The following TBC1D12 variants were observed in gnomAD, a reference collection of about 807,000 sequenced individuals.
The protein encoded by TBC1D12 is TBC1 domain family, member 12.
In TBC1D12, 56 loss-of-function variants were observed where a neutral mutation model predicts 86.7. The observed-to-expected ratio is 0.65, with a 90% confidence interval of 0.52 to 0.81. The LOEUF is 0.81. Among genes scored for constraint, TBC1D12 ranks in the 30% least tolerant of loss-of-function variants. The probability of loss-of-function intolerance (pLI) is 0.00; values close to 1 mark genes in which losing one functional copy is unlikely to be tolerated. For synonymous variants in TBC1D12, 421 were observed against 411.7 expected, an observed-to-expected ratio of 1.02 and a Z score of -0.27; for missense variants, 1,023 against 1,038.8, an observed-to-expected ratio of 0.98 and a Z score of 0.21.
chr10:94,408,865 C>A (rs1178610125), intron 1 of TBC1D12, among the ~76,000 whole-genome samples: 1 of 152,108 alleles, frequency 6.6e-6, no homozygotes, highest in East Asian at 1.9e-4. Context: ...TTTTAATACT[C>A]TGATATAATT....
At chr10:94,480,509 T>A (rs945654145) in intron 3 of TBC1D12, among the ~76,000 whole-genome samples, 1 of 152,096 alleles carries the variant, frequency 6.6e-6, no homozygotes, top group African/African-American at 2.4e-5. Flanking sequence ...ACTATTCTGA[T>A]TGCGGCTTTG....
intron 1 of TBC1D12, among the ~76,000 whole-genome samples, chr10:94,405,044 C>G (rs960472751): frequency 8.9e-4 from 123 of 137,668 alleles, no homozygotes; most frequent in African/African-American, 3.0e-3. Context: ...CTAGACTTCT[C>G]TCAAAAAAAA....
intron 1 of TBC1D12, among the ~76,000 whole-genome samples, chr10:94,434,480 T>C (rs961334927): frequency 1.8e-4 from 26 of 148,316 alleles, no homozygotes; most frequent in African/African-American, 6.3e-4. Flanking sequence ...CACTCCAGCC[T>C]GGACGACACA....
Position 94,493,462 on chromosome 10 carries a change from T to G in TBC1D12, c.1294+15T>G. 1.3e-6 allele frequency: 2 copies of G among 1,570,914 alleles called. No individual in the cohort carries two copies. Among genetic ancestry groups the G allele is most frequent in the Non-Finnish European group, 1.7e-6 (2 of 1,147,370 alleles). ...TAAAAAACGAGGTATAAAATTTAAC[T>G]CCAAATGGTATAATTTTCTGATTTT... On this transcript the variant is annotated intron_variant, in intron 4 of 12. Transcript: ENST00000225235.
chr10:94,416,314 T>C (rs2054996951), intron 1 of TBC1D12, among the ~76,000 whole-genome samples: 1 of 152,256 alleles, frequency 6.6e-6, no homozygotes, highest in South Asian at 2.1e-4. Context: ...TGATAGATGT[T>C]ATTTAGTCTT....
At chr10:94,477,326 AC>A (rs1297257822) in intron 3 of TBC1D12, among the ~76,000 whole-genome samples, 1 of 152,218 alleles carries the variant, frequency 6.6e-6, no homozygotes, top group Non-Finnish European at 1.5e-5. Context: ...CATTTATGTA[AC>A]TAAAACAAAC....
At chr10:94,519,099 A>C (rs1842075878) in intron 9 of TBC1D12, among the ~76,000 whole-genome samples, 1 of 152,212 alleles carries the variant, frequency 6.6e-6, no homozygotes, top group Non-Finnish European at 1.5e-5. Flanking sequence ...TAAGTAAATA[A>C]ATATTCCAAG....
At chr10:94,521,346 C>G (rs1417258757) in intron 9 of TBC1D12, among the ~76,000 whole-genome samples, 2 of 151,402 alleles carry the variant, frequency 1.3e-5, no homozygotes, top group South Asian at 4.2e-4. Flanking sequence ...ACAACATAAA[C>G]ACATCCTACC....
At chr10:94,507,458 C>A in intron 7 of TBC1D12, 111 bp downstream of exon 7, 1 of 980,832 alleles carries the variant, frequency 1.0e-6, no homozygotes, top group Admixed American at 3.3e-5. Flanking sequence ...AATCTTAACC[C>A]TTTCAGTAAA....
In TBC1D12 at chr10:94,486,996, G is replaced by T. The variant is rs140128275; in HGVS notation, c.1212-6369G>T. On this transcript the variant is annotated intron_variant, in intron 3 of 12. Transcript: ENST00000225235. Reference sequence around the variant, plus strand: ...ATATACATGGGTGCTCCAGTGTTGGGTGCATATAGATTTACAATTGTTATA... The same window carrying T: ...ATATACATGGGTGCTCCAGTGTTGGTTGCATATAGATTTACAATTGTTATA... Among the ~76,000 whole-genome samples the T allele has an allele frequency of 7.8e-3, 1,179 of 152,102 alleles. 16 individuals carry two copies. The highest frequency in any genetic ancestry group is 0.027 in the African/African-American group (1,128 of 41,460).
intron 1 of TBC1D12, among the ~76,000 whole-genome samples, chr10:94,423,430 C>T (rs1479673688): frequency 1.3e-5 from 2 of 150,836 alleles, no homozygotes; most frequent in Non-Finnish European, 2.9e-5. Flanking sequence ...TCACTGCAAC[C>T]TCCGCCTCCC....
At chr10:94,527,387 C>T (rs1003731212) in intron 11 of TBC1D12, among the ~76,000 whole-genome samples, 3 of 150,590 alleles carry the variant, frequency 2.0e-5, no homozygotes, top group African/African-American at 7.3e-5. Context: ...TGGTGCCTGG[C>T]GTTTGTTTTT....
intron 1 of TBC1D12, among the ~76,000 whole-genome samples, chr10:94,435,273 T>C (rs2055278327): frequency 6.6e-6 from 1 of 152,216 alleles, no homozygotes; most frequent in South Asian, 2.1e-4. Context: ...CTTTATGAGC[T>C]AGAAACAACT....
At chr10:94,471,056 A>T (rs577193123) in intron 2 of TBC1D12, among the ~76,000 whole-genome samples, 1 of 152,216 alleles carries the variant, frequency 6.6e-6, no homozygotes, top group African/African-American at 2.4e-5. Flanking sequence ...TGGGTGGATC[A>T]TCTGAGGTCA....
intron 2 of TBC1D12, among the ~76,000 whole-genome samples, chr10:94,453,059 C>T (rs554920779): frequency 2.0e-5 from 3 of 152,282 alleles, no homozygotes; most frequent in Middle Eastern, 3.4e-3. Flanking sequence ...CACATGCTTA[C>T]TTGCCATCTG....
chr10:94,465,168 C>T (rs1002609309), intron 2 of TBC1D12, among the ~76,000 whole-genome samples: 3 of 152,188 alleles, frequency 2.0e-5, no homozygotes, highest in African/African-American at 7.2e-5. Context: ...CTTTCTTGCA[C>T]TTTGCATGGA....
intron 1 of TBC1D12, among the ~76,000 whole-genome samples, chr10:94,440,335 A>AT (rs1462844457): frequency 1.3e-5 from 2 of 151,468 alleles, no homozygotes; most frequent in African/African-American, 2.4e-5. Flanking sequence ...ATGCCTGGCT[A>AT]TTTTTTTTAA....
chr10:94,402,621 G>T lies in TBC1D12; in HGVS notation c.8G>T (p.Gly3Val), dbSNP rs750535496. ...GCCGCCACCCACCCCCAGATGGTGGGTCCGGAGGATGCCGGAGCCTGCTCG... is the reference window on the plus strand; with the variant it reads ...GCCGCCACCCACCCCCAGATGGTGGTTCCGGAGGATGCCGGAGCCTGCTCG... MVGPEDAGACSGR... is the reference protein window; with the variant it reads MVVPEDAGACSGR... Residue 3 changes from glycine (G) to valine (V), a missense_variant, in exon 1 of 13, where the codon GGT becomes GTT. By Grantham distance (109) the Gly-to-Val change is moderately radical. Around this residue, in one of 2 missense-constraint regions of TBC1D12, gnomAD observed 628 missense variants for 531.1 expected, o/e 1.18. Coordinates refer to ENST00000225235, the MANE Select transcript of TBC1D12 (RefSeq NM_015188.2). 7 of 1,611,884 alleles carry T rather than the reference G, an allele frequency of 4.3e-6. No individual in the cohort carries two copies. In the South Asian group the frequency reaches 7.7e-5, roughly 18 times the overall value.
chr10:94,489,550 A>C lies in TBC1D12; in HGVS notation c.1212-3815A>C, dbSNP rs548766365. On this transcript the variant is annotated intron_variant, in intron 3 of 12. Coordinates refer to ENST00000225235, the MANE Select transcript of TBC1D12 (RefSeq NM_015188.2). The stretch of plus-strand genomic sequence containing the variant: ...GATAGTTAAAATTTGGTGTTCCTGC[A>C]GGGTGGACAACTGGTGCAGGCTTCT... 3.3e-5 allele frequency among the ~76,000 whole-genome samples: 5 copies of C among 152,322 alleles called. No homozygotes were observed. The South Asian group carries it at 8.3e-4, about 25-fold the overall frequency.
Sources: gnomAD v4.1 joint callset for allele counts (sites outside exome capture counted in the v4.1 genomes callset) on GRCh38, gnomAD v4.1.1 for gene constraint, gnomAD v4.1.1 regional missense constraint, MANE v1.5 for transcripts, NCBI Gene and HGNC (gene_info 2026-07-23, HGNC 2026-07-21) for gene names.